The following CLUH variants were observed in gnomAD, a reference collection of about 807,000 sequenced individuals.
CLUH encodes the protein clustered mitochondria protein homolog.
Under a neutral mutation model 139.3 loss-of-function variants are expected in CLUH, and 77 were observed. That is an observed-to-expected ratio of 0.55 (90% CI 0.46 to 0.67). CLUH has a LOEUF of 0.67. Ranked by LOEUF, CLUH falls within the 30% of genes least tolerant of loss-of-function variation. The pLI is 0.00. For missense variants in CLUH, 1,876 were observed against 1,875.8 expected (o/e 1.00, Z 0.00); for synonymous variants, 999 against 801.6 (o/e 1.25, Z -4.16).
At chr17:2,700,240 C>A (rs1021054401) in intron 9 of CLUH, 142 bp downstream of exon 9, 5 of 696,084 alleles carry the variant, frequency 7.2e-6, no homozygotes, top group Non-Finnish European at 1.2e-5. Flanking sequence ...GCAGACCCTG[C>A]GGGAGACGCT....
Position 2,705,188 on chromosome 17 carries a change from A to T in CLUH, c.101-624T>A, listed in dbSNP as rs148159527. On this transcript the variant is annotated intron_variant, in intron 1 of 25. Coordinates refer to ENST00000651024, the MANE Select transcript of CLUH (RefSeq NM_001366661.1). ...AGGCATCACTGAAGCCTCGTCTTGC[A>T]GGGACAGAACTCATCTTCCTCCTCA... Among the ~76,000 whole-genome samples the T allele has an allele frequency of 1.0e-3, 157 of 152,218 alleles. 1 individual carries two copies. The highest frequency in any genetic ancestry group is 3.6e-3 in the African/African-American group (151 of 41,524).
chr17:2,703,466 C>G lies in CLUH; in HGVS notation c.327G>C (p.Gln109His), dbSNP rs2070249592. ...GGTCCATGAGCACCTGGTGAATCTCCTGCACCATCTCCTGGGGGGACACCT... is the reference window on the plus strand; with the variant it reads ...GGTCCATGAGCACCTGGTGAATCTCGTGCACCATCTCCTGGGGGGACACCT... ...SLQVSPQEMV[Q>H]EIHQVLMDRE... Residue 109 changes from glutamine to histidine, a missense_variant, in exon 3 of 26, where the codon CAG becomes CAC. By Grantham distance (24) the Gln-to-His change is conservative (BLOSUM62 0). This residue lies in a region of CLUH where 270 missense variants were observed against 354.7 expected (regional missense o/e 0.76). Transcript: ENST00000651024. The surrounding 1 kb of genome is among the most constrained non-coding windows in gnomAD (Gnocchi z 4.2). 1 of 1,613,556 alleles carries G rather than the reference C, an allele frequency of 6.2e-7. No individual in the cohort carries two copies. Among genetic ancestry groups the G allele is most frequent in the African/African-American group, 1.3e-5 (1 of 74,936 alleles).
rs763475860 is a variant in CLUH at position 2,691,978 on chromosome 17, G to GC, written c.3654+25dup. 345 of 489,650 alleles carry GC rather than the reference G, an allele frequency of 7.0e-4. 2 individuals are homozygous for GC. The Admixed American group carries it at 0.017, about 24-fold the overall frequency. The allele number at this position is 489,650 out of a possible 1,614,324, so 30.3% of individuals were successfully genotyped here. Reference sequence around the variant, plus strand: ...CCCGCCACGCCCCCGCCCCGCCCCCGCCCCCGCCACGCCCCCGCCGCGCAC... The same window carrying GC: ...CCCGCCACGCCCCCGCCCCGCCCCCGCCCCCCGCCACGCCCCCGCCGCGCAC... On this transcript the variant is annotated intron_variant, in intron 23 of 25. Coordinates refer to ENST00000651024, the MANE Select transcript of CLUH (RefSeq NM_001366661.1).
In CLUH at chr17:2,700,807, G is replaced by C. The variant is rs746019720; in HGVS notation, c.1044C>G (p.Phe348Leu). 1.3e-6 allele frequency: 2 copies of C among 1,527,532 alleles called. No homozygotes were observed. Among genetic ancestry groups the C allele is most frequent in the Non-Finnish European group, 1.7e-6 (2 of 1,143,230 alleles). 94.6% of individuals were successfully genotyped at this position (1,527,532 alleles called of 1,614,324 possible). Reference sequence around the variant, plus strand: ...CCTGGAATGGGGTGGCGATCCTCTCGAACGGGTGGCGCTGGACCCTGTGGC... The same window carrying C: ...CCTGGAATGGGGTGGCGATCCTCTCCAACGGGTGGCGCTGGACCCTGTGGC... Reference protein sequence around the residue: ...LQKKRVQRHPFERIATPFQVY... With the variant: ...LQKKRVQRHPLERIATPFQVY... The change falls in exon 8 of 26, where the codon TTC (phenylalanine) becomes TTG (leucine). Residue 348 changes from phenylalanine to leucine, a missense_variant. Physicochemically the swap from Phe to Leu is conservative, Grantham distance 22. Coordinates refer to ENST00000651024, the MANE Select transcript of CLUH (RefSeq NM_001366661.1).
At position 2,707,401 on chromosome 17, in the gene CLUH, C is replaced by T. The variant is rs1045261647; in HGVS notation, c.101-2837G>A. The T allele has an allele frequency of 3.0e-6, 3 of 985,294 alleles. No homozygotes were observed. Among genetic ancestry groups the T allele is most frequent in the African/African-American group, 3.5e-5 (2 of 57,230 alleles). The allele number at this position is 985,294 out of a possible 1,614,324, so 61.0% of individuals were successfully genotyped here. On this transcript the variant is annotated intron_variant, in intron 1 of 25. Transcript: ENST00000651024. The surrounding 1 kb of genome is among the most constrained non-coding windows in gnomAD (Gnocchi z 7.4). The stretch of plus-strand genomic sequence containing the variant: ...ATGGCAGCCCCAGGAAGGGCACACT[C>T]CCCCTGCCTGGCATCCCGCTCAAGG...
chr17:2,696,771 G>A lies in CLUH; in HGVS notation c.2133C>T (p.Gly711=). Residue 711 remains glycine, a synonymous_variant, in exon 11 of 26, where the codon GGC becomes GGT. Transcript: ENST00000651024. ...CTGCCAGCTCCTTCACCTTGGCCAG[G>A]CCGCTGGCGCTGCTACCCTCCTCCT... ...GSEEEGSSAS[G]LAKVKELAET... The A allele has an allele frequency of 6.2e-7, 1 of 1,612,826 alleles. No individual in the cohort carries two copies. The highest frequency in any genetic ancestry group is 8.5e-7 in the Non-Finnish European group (1 of 1,179,878).
intron 11 of CLUH, 23 bp from the exon 12 acceptor site, chr17:2,696,561 G>T: frequency 6.5e-7 from 1 of 1,549,850 alleles, no homozygotes; most frequent in Non-Finnish European, 8.7e-7. Flanking sequence ...GGCTCCATGA[G>T]ACACGGGTCC....
chr17:2,691,413 T>A, intron 25 of CLUH, 196 bp downstream of exon 25: 1 of 579,202 alleles, frequency 1.7e-6, no homozygotes, highest in African/African-American at 1.9e-5. Context: ...AACACAAAAA[T>A]GAGCCGGGCG....
At chr17:2,700,915 G>A (rs951880238) in intron 7 of CLUH, 90 bp from the exon 8 acceptor site, 12 of 1,457,410 alleles carry the variant, frequency 8.2e-6, no homozygotes, top group East Asian at 7.1e-5. Context: ...CGCCTGCTCC[G>A]GCATCTCCCA....
At chr17:2,691,406 A>G in intron 25 of CLUH, 1 of 569,678 alleles carries the variant, frequency 1.8e-6, no homozygotes, top group Non-Finnish European at 3.2e-6. Flanking sequence ...TACTACAAAC[A>G]CAAAAATGAG....
In CLUH at chr17:2,697,922, C is replaced by A. The variant is rs913947794; in HGVS notation, c.1935G>T (p.Glu645Asp). The change falls in exon 10 of 26, where the codon GAG (glutamate) becomes GAT (aspartate). Residue 645 changes from glutamate to aspartate, a missense_variant. Around this residue, in one of 3 missense-constraint regions of CLUH, gnomAD observed 1,454 missense variants for 1,384.4 expected, o/e 1.05. Transcript: ENST00000651024. ...HRHKLCCLRQ[E>D]LVDAFVEHRY... ...TGTGCTCCACGAAGGCGTCCACCAG[C>A]TCCTGGCGCAGGCAGCAGAGCTTGT... 14 of 1,529,334 alleles carry A rather than the reference C, an allele frequency of 9.2e-6. No homozygotes were observed. The highest frequency in any genetic ancestry group is 1.1e-5 in the Non-Finnish European group (13 of 1,140,124). The allele number at this position is 1,529,334 out of a possible 1,614,324, so 94.7% of individuals were successfully genotyped here. A position where few individuals can be genotyped will look rare whatever the true frequency, so the allele number is the denominator to read the frequency against.
Position 2,690,477 on chromosome 17 carries a change from T to C in CLUH, c.*117A>G. On this transcript the variant is annotated 3_prime_UTR_variant, in exon 26 of 26. Coordinates refer to ENST00000651024, the MANE Select transcript of CLUH (RefSeq NM_001366661.1). The stretch of plus-strand genomic sequence containing the variant: ...AGGAGGACACGGGGGTGGGGTGGGG[T>C]GAGACGTGGAGGAAGAGGGCCTTGC... 1 of 910,802 alleles carries C rather than the reference T, an allele frequency of 1.1e-6. No homozygotes were observed. Among genetic ancestry groups the C allele is most frequent in the Admixed American group, 4.1e-5 (1 of 24,364 alleles). The allele number at this position is 910,802 out of a possible 1,614,324, so 56.4% of individuals were successfully genotyped here.
Position 2,704,376 on chromosome 17 carries a change from G to T in CLUH, c.289C>A (p.Pro97Thr), listed in dbSNP as rs1351144771. Residue 97 changes from proline to threonine, a missense_variant, in exon 2 of 26, where the codon CCC becomes ACC. Coordinates refer to ENST00000651024, the MANE Select transcript of CLUH (RefSeq NM_001366661.1). This position sits in a 1 kb window ranked among gnomAD's most constrained non-coding sequence, Gnocchi z 5.7. The stretch of plus-strand genomic sequence containing the variant: ...CTCCATCTTACCTGCAGGGAGAAGG[G>T]CTCGATCCCAGGGGCGAGGATCTTC... ...SVKILAPGIEPFSLQVSPQEM... is the reference protein window; with the variant it reads ...SVKILAPGIETFSLQVSPQEM... 1.2e-6 allele frequency: 2 copies of T among 1,610,840 alleles called. No individual in the cohort carries two copies. The highest frequency in any genetic ancestry group is 1.7e-6 in the Non-Finnish European group (2 of 1,178,700).
chr17:2,707,345 G>A lies in CLUH; in HGVS notation c.101-2781C>T. 1.0e-6 allele frequency: 1 copy of A among 985,392 alleles called. No homozygotes were observed. Among genetic ancestry groups the A allele is most frequent in the Non-Finnish European group, 1.2e-6 (1 of 829,924 alleles). 61.0% of individuals were successfully genotyped at this position (985,392 alleles called of 1,614,324 possible). On this transcript the variant is annotated intron_variant, in intron 1 of 25. Transcript: ENST00000651024. The surrounding 1 kb of genome is among the most constrained non-coding windows in gnomAD (Gnocchi z 7.4). ...TCGGCCCGGGGCTGGAGCTCCGGCT[G>A]GCTTCGGGTTTCAGTGGGGCCAGGC...
At chr17:2,690,941 G>A (rs2069601163) in intron 25 of CLUH, among the ~76,000 whole-genome samples, 164 bp from the exon 26 acceptor site, 1 of 152,126 alleles carries the variant, frequency 6.6e-6, no homozygotes, top group Non-Finnish European at 1.5e-5. Flanking sequence ...CCTGAACACG[G>A]AGAAGGTAAG....
In CLUH at chr17:2,691,987, A is replaced by ACGCCCCGCCCCGCCCC. The variant is rs768222278; in HGVS notation, c.3654+16_3654+17insGGGGCGGGGCGGGGCG. 1.3e-6 allele frequency: 1 copy of ACGCCCCGCCCCGCCCC among 774,598 alleles called. No homozygotes were observed. The highest frequency in any genetic ancestry group is 1.6e-6 in the Non-Finnish European group (1 of 626,200). The allele number at this position is 774,598 out of a possible 1,614,324, so 48.0% of individuals were successfully genotyped here. ...CCCCCGCCCCGCCCCCGCCCCCGCC[A>ACGCCCCGCCCCGCCCC]CGCCCCCGCCGCGCACCTGCGTCTT... is the stretch of plus-strand genomic sequence containing the variant. On this transcript the variant is annotated intron_variant, in intron 23 of 25. Coordinates refer to ENST00000651024, the MANE Select transcript of CLUH (RefSeq NM_001366661.1).
At position 2,698,198 on chromosome 17, in the gene CLUH, C is replaced by T. The variant is rs556418056; in HGVS notation, c.1659G>A (p.Pro553=). ...IDFGKTVVSH[P]RYLELLERTS... is the part of the protein sequence containing the mutation. ...TGCGCTCCAGCAGCTCCAGGTACCG[C>T]GGGTGTGACACCACGGTCTTGCCGA... The change falls in exon 10 of 26, where the codon CCG becomes CCA. Residue 553 remains proline (P), a synonymous_variant. Transcript: ENST00000651024. 38 of 1,577,840 alleles carry T rather than the reference C, an allele frequency of 2.4e-5. No homozygotes were observed. The Middle Eastern group carries it at 1.2e-3, about 48-fold the overall frequency.
chr17:2,701,227 G>A lies in CLUH; in HGVS notation c.938C>T (p.Pro313Leu). The A allele has an allele frequency of 2.5e-6, 4 of 1,613,800 alleles. No homozygotes were observed. The South Asian group carries it at 3.3e-5, about 13-fold the overall frequency. Residue 313 changes from proline to leucine, a missense_variant, in exon 7 of 26, where the codon CCC becomes CTC. By Grantham distance (98) the Pro-to-Leu change is moderately conservative. Coordinates refer to ENST00000651024, the MANE Select transcript of CLUH (RefSeq NM_001366661.1). ...AYHFNPKPAS[P>L]RFLSHSLVEL... Reference sequence around the variant, plus strand: ...CACTAGGGAATGGCTTAGGAAGCGGGGGCTGGCGGGCTTGGGGTTGAAGTG... The same window carrying A: ...CACTAGGGAATGGCTTAGGAAGCGGAGGCTGGCGGGCTTGGGGTTGAAGTG...
At position 2,701,269 on chromosome 17, in the gene CLUH, C is replaced by T; in HGVS notation, c.900-4G>A. The T allele has an allele frequency of 6.2e-7, 1 of 1,611,482 alleles. No individual in the cohort carries two copies. The highest frequency in any genetic ancestry group is 1.3e-5 in the African/African-American group (1 of 75,020). ...GTTGAAGTGATAAGCTGTGGACCTG[C>T]AGGGAGAGGGCGGGCACTGAGCGGG... On this transcript the variant is annotated splice_polypyrimidine_tract_variant and splice_region_variant and intron_variant, in intron 6 of 25. Transcript: ENST00000651024.
Sources: allele counts gnomAD v4.1 joint callset (sites outside exome capture counted in the v4.1 genomes callset), GRCh38; gene constraint gnomAD v4.1.1; regional missense constraint gnomAD v4.1.1; non-coding constraint Gnocchi (gnomAD v3.1); transcripts MANE v1.5; gene names NCBI Gene and HGNC (gene_info 2026-07-23, HGNC 2026-07-21).